Variants in HOMER3 observed in about 807,000 individuals in gnomAD.
HOMER3 encodes the protein homer scaffold protein 3.
In HOMER3, 34 loss-of-function variants were observed where a neutral mutation model predicts 45.5. That is an observed-to-expected ratio of 0.75 (90% CI 0.57 to 1.00). The LOEUF (loss-of-function observed/expected upper bound fraction) is 1.00, where lower values mean the gene tolerates loss of function less well. Ranked by LOEUF, HOMER3 falls within the 50% of genes least tolerant of loss-of-function variation. The probability of loss-of-function intolerance (pLI) is 0.00; values close to 1 mark genes in which losing one functional copy is unlikely to be tolerated. For missense variants in HOMER3, 480 were observed against 497.5 expected (o/e 0.96, Z 0.33); for synonymous variants, 223 against 208.8 (o/e 1.07, Z -0.58).
chr19:18,936,082 G>C (rs1296989259), intron 4 of HOMER3, among the ~76,000 whole-genome samples: 1 of 150,370 alleles, frequency 6.7e-6, no homozygotes, highest in Non-Finnish European at 1.5e-5. Flanking sequence ...TTGGGAGGCC[G>C]AGGCAGGTGG....
At position 18,929,293 on chromosome 19, in the gene HOMER3, TG is replaced by T; in HGVS notation, c.*149del. The stretch of plus-strand genomic sequence containing the variant: ...AAAGCTGCCAACAACCAGAGCCGAC[TG>T]GGGCCCACCCCAGCCCAGCCCGGCC... On this transcript the variant is annotated 3_prime_UTR_variant, in exon 10 of 10. Transcript: ENST00000392351. 1.2e-6 allele frequency: 1 copy of T among 855,344 alleles called. No homozygotes were observed. The highest frequency in any genetic ancestry group is 2.0e-6 in the Non-Finnish European group (1 of 501,210). 53.0% of individuals were successfully genotyped at this position (855,344 alleles called of 1,614,324 possible).
At chr19:18,932,902 G>A (rs1474316502) in intron 6 of HOMER3, 22 bp downstream of exon 6, 6 of 263,426 alleles carry the variant, frequency 2.3e-5, no homozygotes, top group Non-Finnish European at 3.9e-5. Context: ...CCCCTGCCAC[G>A]CCCCCAAGTC....
chr19:18,939,488 A>G (rs1831274163), intron 1 of HOMER3: 1 of 153,282 alleles, frequency 6.5e-6, no homozygotes, highest in African/African-American at 2.4e-5. Context: ...AGGTAAGATA[A>G]TTATTATAGA....
intron 1 of HOMER3, 76 bp from the exon 2 acceptor site, chr19:18,939,125 C>T: frequency 3.9e-6 from 3 of 764,572 alleles, no homozygotes; most frequent in South Asian, 3.9e-5. Context: ...TCTCAGGACC[C>T]ATCACCAGGT....
intron 4 of HOMER3, 101 bp downstream of exon 4, chr19:18,938,252 T>C (rs2057115307): frequency 7.6e-7 from 1 of 1,315,938 alleles, no homozygotes; most frequent in Non-Finnish European, 1.0e-6. Context: ...ATCCTGCAGA[T>C]GGGAAGATAG....
Position 18,938,713 on chromosome 19 carries a change from A to AGACCCCACCCT in HOMER3, c.171+4_171+14dup, listed in dbSNP as rs2057121136. The AGACCCCACCCT allele has an allele frequency of 1.1e-6, 1 of 880,426 alleles. No homozygotes were observed. Among genetic ancestry groups the AGACCCCACCCT allele is most frequent in the African/African-American group, 1.7e-5 (1 of 57,172 alleles). 54.5% of individuals were successfully genotyped at this position (880,426 alleles called of 1,614,324 possible). On this transcript the variant is annotated intron_variant, in intron 3 of 9. Transcript: ENST00000392351. ...GACTCCTGGTGCCTCTGCCCCACCC[A>AGACCCCACCCT]GACCCCACCCTGACCTTGGCGCCTC...
rs749871882 is a variant in HOMER3, at chr19:18,929,522, G to A, written c.1007C>T (p.Ala336Val). Reference protein sequence around the residue: ...ERARAEVGRAAQLLDVSLFEL... With the variant: ...ERARAEVGRAVQLLDVSLFEL... ...AAACAGGCTGACGTCCAGCAGCTGCGCTGCCCGGCCCACCTCAGCCCGCGC... is the reference window on the plus strand; with the variant it reads ...AAACAGGCTGACGTCCAGCAGCTGCACTGCCCGGCCCACCTCAGCCCGCGC... The change falls in exon 10 of 10, where the codon GCG becomes GTG. Residue 336 changes from alanine to valine, a missense_variant. Physicochemically the swap from Ala to Val is moderately conservative, Grantham distance 64. Coordinates refer to ENST00000392351, the MANE Select transcript of HOMER3 (RefSeq NM_004838.4). 17 of 1,573,640 alleles carry A rather than the reference G, an allele frequency of 1.1e-5. No individual in the cohort carries two copies. In the Admixed American group the frequency reaches 1.8e-4, roughly 17 times the overall value.
At chr19:18,936,434 T>C (rs943217858) in intron 4 of HOMER3, among the ~76,000 whole-genome samples, 48 of 141,974 alleles carry the variant, frequency 3.4e-4, no homozygotes, top group Non-Finnish European at 4.8e-4. Context: ...GTCAGGAGTT[T>C]GAGACCAGCC....
At position 18,932,907 on chromosome 19, in the gene HOMER3, C is replaced by CCCCAA; in HGVS notation, c.533+16_533+17insTTGGG. On this transcript the variant is annotated intron_variant, in intron 6 of 9. Coordinates refer to ENST00000392351, the MANE Select transcript of HOMER3 (RefSeq NM_004838.4). Reference sequence around the variant, plus strand: ...CCTACCCCCGCCCCTGCCACGCCCCCAAGTCCCGCCCCTCACCCCTCAGAC... The same window carrying CCCCAA: ...CCTACCCCCGCCCCTGCCACGCCCCCCCCAAAAGTCCCGCCCCTCACCCCTCAGAC... The CCCCAA allele has an allele frequency of 1.5e-6, 2 of 1,377,504 alleles. No individual in the cohort carries two copies. Among genetic ancestry groups the CCCCAA allele is most frequent in the Non-Finnish European group, 1.9e-6 (2 of 1,059,388 alleles). The allele number at this position is 1,377,504 out of a possible 1,614,324, so 85.3% of individuals were successfully genotyped here.
At chr19:18,937,666 T>A in intron 4 of HOMER3, among the ~76,000 whole-genome samples, 1 of 129,376 alleles carries the variant, frequency 7.7e-6, no homozygotes. Flanking sequence ...AGCAAGGCAT[T>A]ATCTCCAAAA....
chr19:18,933,492 A>C (rs1452650803), intron 5 of HOMER3, among the ~76,000 whole-genome samples: 1 of 152,178 alleles, frequency 6.6e-6, no homozygotes, highest in African/African-American at 2.4e-5. Context: ...CTCTGAGGGT[A>C]GACAAGCTGG....
chr19:18,932,648 C>T (rs2057049087), intron 6 of HOMER3, among the ~76,000 whole-genome samples: 1 of 151,762 alleles, frequency 6.6e-6, no homozygotes, highest in Admixed American at 6.6e-5. Flanking sequence ...GGGGCGTGGT[C>T]AGGGTGGTTA....
intron 4 of HOMER3, among the ~76,000 whole-genome samples, chr19:18,937,210 C>A (rs1358410263): frequency 1.3e-5 from 2 of 149,092 alleles, no homozygotes; most frequent in East Asian, 3.9e-4. Context: ...AGTCAGGAGG[C>A]TGAGGTGGGA....
At chr19:18,936,785 C>A (rs547741775) in intron 4 of HOMER3, among the ~76,000 whole-genome samples, 1 of 151,322 alleles carries the variant, frequency 6.6e-6, no homozygotes, top group East Asian at 1.9e-4. Flanking sequence ...GTCAGGAGAT[C>A]GAGACCATCC....
intron 4 of HOMER3, among the ~76,000 whole-genome samples, chr19:18,935,818 G>A (rs182359183): frequency 2.0e-5 from 3 of 151,892 alleles, no homozygotes; most frequent in Admixed American, 6.6e-5. Flanking sequence ...TCAGGAGTTC[G>A]AAACCAGCCT....
chr19:18,933,849 C>T (rs770367381), intron 5 of HOMER3, among the ~76,000 whole-genome samples: 8 of 152,126 alleles, frequency 5.3e-5, no homozygotes, highest in South Asian at 2.1e-4. Flanking sequence ...GGACTACAGG[C>T]GCATGCCACC....
At chr19:18,934,015 C>T (rs2057065768) in intron 5 of HOMER3, among the ~76,000 whole-genome samples, 1 of 152,080 alleles carries the variant, frequency 6.6e-6, no homozygotes, top group South Asian at 2.1e-4. Flanking sequence ...CACACTTAGC[C>T]ATTTCAATTT....
Position 18,941,101 on chromosome 19 carries a change from C to T in HOMER3, c.-118G>A, listed in dbSNP as rs2057151385. ...GTCCAGGCGCGAGTCGGGTGCGGCC[C>T]CCGCGGCGCTGACTCCGCGCTGCCG... is the stretch of plus-strand genomic sequence containing the variant. On this transcript the variant is annotated 5_prime_UTR_variant, in exon 1 of 10. Transcript: ENST00000392351. 6.6e-6 allele frequency: 1 copy of T among 150,754 alleles called. No individual in the cohort carries two copies. Among genetic ancestry groups the T allele is most frequent in the Non-Finnish European group, 1.5e-5 (1 of 67,410 alleles). The allele number at this position is 150,754 out of a possible 1,614,324, so 9.3% of individuals were successfully genotyped here. A position where few individuals can be genotyped will look rare whatever the true frequency, so the allele number is the denominator to read the frequency against.
Position 18,931,993 on chromosome 19 carries a change from C to T in HOMER3, c.673G>A (p.Glu225Lys), listed in dbSNP as rs1277492009. 2.6e-6 allele frequency: 4 copies of T among 1,541,552 alleles called. No homozygotes were observed. The Admixed American group carries it at 6.0e-5, about 23-fold the overall frequency. Residue 225 changes from glutamate to lysine, a missense_variant, in exon 7 of 10, where the codon GAG becomes AAG. Transcript: ENST00000392351. ...QQLEAQRAEA[E>K]RLRQRVAELE... ...GCCCTCACCCGCTGCCGCAGCCGCT[C>T]GGCCTCTGCACGCTGAGCCTCCAGC...
Sources: gnomAD v4.1 joint callset for allele counts (sites outside exome capture counted in the v4.1 genomes callset) on GRCh38, gnomAD v4.1.1 for gene constraint, MANE v1.5 for transcripts, NCBI Gene and HGNC (gene_info 2026-07-23, HGNC 2026-07-21) for gene names.